Variants in LRRC28 observed in about 807,000 individuals in gnomAD.
LRRC28 encodes the protein leucine-rich repeat-containing protein 28.
A neutral mutation model predicts 45.7 loss-of-function variants in LRRC28; 39 were observed. That is an observed-to-expected ratio of 0.85 (90% CI 0.66 to 1.12). The LOEUF (loss-of-function observed/expected upper bound fraction) is 1.12, where lower values mean the gene tolerates loss of function less well. Ranked by LOEUF, LRRC28 falls within the 50% of genes most tolerant of loss-of-function variation. LRRC28 has a pLI of 0.00. For missense variants in LRRC28, 435 were observed against 438.5 expected (o/e 0.99, Z 0.07); for synonymous variants, 206 against 178.8 (o/e 1.15, Z -1.22).
At chr15:99,373,768 G>A (rs1047823503) in intron 9 of LRRC28, among the ~76,000 whole-genome samples, 5 of 152,112 alleles carry the variant, frequency 3.3e-5, no homozygotes, top group East Asian at 1.9e-4. Context: ...TTGCCTTTTC[G>A]CTTTCCTAAA....
intron 5 of LRRC28, among the ~76,000 whole-genome samples, chr15:99,295,213 T>G (rs961597453): frequency 6.6e-6 from 1 of 152,240 alleles, no homozygotes; most frequent in African/African-American, 2.4e-5. Context: ...TTTATGTATG[T>G]GTTTTTGTTG....
At chr15:99,376,397 T>A (rs868868960) in intron 9 of LRRC28, among the ~76,000 whole-genome samples, 6 of 152,218 alleles carry the variant, frequency 3.9e-5, no homozygotes, top group Admixed American at 6.5e-5. Flanking sequence ...TTCTGTAGTT[T>A]CCTGGTAGAA....
At chr15:99,262,328 T>C (rs2152130913) in intron 2 of LRRC28, among the ~76,000 whole-genome samples, 1 of 152,270 alleles carries the variant, frequency 6.6e-6, no homozygotes, top group Non-Finnish European at 1.5e-5. Context: ...ATGCCTGTAA[T>C]CCCAGCATTT....
At chr15:99,341,527 A>G (rs982464851) in intron 6 of LRRC28, among the ~76,000 whole-genome samples, 3 of 152,164 alleles carry the variant, frequency 2.0e-5, no homozygotes, top group African/African-American at 7.2e-5. Flanking sequence ...TTGACTTACT[A>G]TGCTAATGTA....
At chr15:99,270,732 A>G (rs754889059) in intron 2 of LRRC28, among the ~76,000 whole-genome samples, 6 of 152,184 alleles carry the variant, frequency 3.9e-5, no homozygotes, top group Admixed American at 1.3e-4. Context: ...TAGTGCTGCT[A>G]TGAACATGAA....
intron 2 of LRRC28, chr15:99,259,358 G>C: frequency 1.3e-6 from 2 of 1,549,360 alleles, no homozygotes; most frequent in Non-Finnish European, 8.9e-7. Context: ...GGCCCTTCCC[G>C]AATTTGATGG....
intron 5 of LRRC28, among the ~76,000 whole-genome samples, chr15:99,328,304 A>T (rs1956050452): frequency 1.3e-5 from 2 of 152,202 alleles, no homozygotes; most frequent in African/African-American, 4.8e-5. Context: ...TAAAGATGAG[A>T]ACGCCTAACA....
chr15:99,293,936 A>C (rs1176454456), intron 5 of LRRC28, among the ~76,000 whole-genome samples: 1 of 152,212 alleles, frequency 6.6e-6, no homozygotes, highest in Non-Finnish European at 1.5e-5. Flanking sequence ...CTTTTGAAGA[A>C]TATTTTCTCT....
Position 99,266,871 on chromosome 15 carries a change from T to G in LRRC28, c.169-9705T>G, listed in dbSNP as rs144539946. ...TGTGATGTAGGCACTATTATGATCC[T>G]TATTTTATAGACAAATAAACTAAGT... On this transcript the variant is annotated intron_variant, in intron 2 of 9. Transcript: ENST00000301981. Among the ~76,000 whole-genome samples the G allele has an allele frequency of 3.5e-3, 536 of 152,332 alleles. 2 individuals are homozygous for G. The highest frequency in any genetic ancestry group is 4.5e-3 in the Non-Finnish European group (309 of 68,038).
chr15:99,259,709 C>T (rs201526475), intron 2 of LRRC28: 281 of 1,419,678 alleles, frequency 2.0e-4, no homozygotes, highest in Non-Finnish European at 2.6e-4. Context: ...AGACATGCTT[C>T]GACGAATTAA....
intron 9 of LRRC28, among the ~76,000 whole-genome samples, chr15:99,367,408 A>G (rs1957369059): frequency 6.6e-6 from 1 of 152,156 alleles, no homozygotes; most frequent in African/African-American, 2.4e-5. Flanking sequence ...GCTGCATCAT[A>G]ACATGTCAGA....
At position 99,313,230 on chromosome 15, in the gene LRRC28, T is replaced by TA. The variant is rs558911692; in HGVS notation, c.386-20692dup. 8.6e-4 allele frequency among the ~76,000 whole-genome samples: 131 copies of TA among 152,184 alleles called. No individual in the cohort carries two copies. In the South Asian group the frequency reaches 0.025, roughly 28 times the overall value. On this transcript the variant is annotated intron_variant, in intron 5 of 9. Coordinates refer to ENST00000301981, the MANE Select transcript of LRRC28 (RefSeq NM_144598.5). ...TAAAAGGATCAGTATATTGGGAAGATATAAGAATTATAAATGTAGATGCAC... is the reference window on the plus strand; with the variant it reads ...TAAAAGGATCAGTATATTGGGAAGATAATAAGAATTATAAATGTAGATGCAC...
chr15:99,370,877 A>G (rs974799466), intron 9 of LRRC28, among the ~76,000 whole-genome samples: 2 of 152,244 alleles, frequency 1.3e-5, no homozygotes, highest in Admixed American at 1.3e-4. Context: ...TCATACACCA[A>G]AGTAACAGTG....
intron 5 of LRRC28, among the ~76,000 whole-genome samples, chr15:99,299,628 G>C (rs1213675022): frequency 6.6e-6 from 1 of 152,096 alleles, no homozygotes; most frequent in African/African-American, 2.4e-5. Context: ...TAGAGTTAAC[G>C]CTTGTTTTAA....
At chr15:99,334,399 AAG>A (rs1289558588) in intron 6 of LRRC28, among the ~76,000 whole-genome samples, 3 of 126,892 alleles carry the variant, frequency 2.4e-5, no homozygotes, top group African/African-American at 1.1e-4. Context: ...AAAGGAATTA[AAG>A]AGTGTGTGTG....
At chr15:99,264,925 C>T (rs2081293064) in intron 2 of LRRC28, among the ~76,000 whole-genome samples, 1 of 152,102 alleles carries the variant, frequency 6.6e-6, no homozygotes, top group Non-Finnish European at 1.5e-5. Context: ...TCCTTTCCTC[C>T]TTTGTAAAAG....
At chr15:99,290,362 T>A (rs1244068533) in intron 5 of LRRC28, among the ~76,000 whole-genome samples, 1 of 152,154 alleles carries the variant, frequency 6.6e-6, no homozygotes, top group Non-Finnish European at 1.5e-5. Context: ...TTTTTCTAAC[T>A]ATAGTTAATA....
At chr15:99,345,513 C>T (rs1355551135) in intron 6 of LRRC28, among the ~76,000 whole-genome samples, 2 of 152,022 alleles carry the variant, frequency 1.3e-5, no homozygotes, top group African/African-American at 2.4e-5. Context: ...ATATTTCAAT[C>T]GATTGTTTTT....
intron 9 of LRRC28, among the ~76,000 whole-genome samples, chr15:99,376,854 G>T (rs923864253): frequency 4.6e-5 from 7 of 152,136 alleles, no homozygotes; most frequent in South Asian, 2.1e-4. Flanking sequence ...TTCATCCATG[G>T]CCCTACAAAG....
Sources: gnomAD v4.1 joint callset for allele counts (sites outside exome capture counted in the v4.1 genomes callset) on GRCh38, gnomAD v4.1.1 for gene constraint, MANE v1.5 for transcripts, NCBI Gene and HGNC (gene_info 2026-07-23, HGNC 2026-07-21) for gene names.